Variants in MEGF11 observed in about 807,000 individuals in gnomAD.
The protein encoded by MEGF11 is multiple EGF like domains 11.
MEGF11 carries 126 observed loss-of-function variants against 146.6 expected under a neutral mutation model. The observed-to-expected ratio is 0.86, with a 90% CI of 0.74 to 1.00. The LOEUF (loss-of-function observed/expected upper bound fraction) is 1.00, where lower values mean the gene tolerates loss of function less well. MEGF11 is among the 50% of genes least tolerant of loss of function. The pLI, the probability that MEGF11 is intolerant of heterozygous loss-of-function variation, is 0.00. For missense variants in MEGF11, 1,509 were observed against 1,521.2 expected (o/e 0.99, Z 0.13); for synonymous variants, 532 against 583.4 (o/e 0.91, Z 1.27).
At chr15:66,072,202 A>C (rs147292942) in intron 5 of MEGF11, among the ~76,000 whole-genome samples, 2 of 152,316 alleles carry the variant, frequency 1.3e-5, no homozygotes, top group South Asian at 2.1e-4. Flanking sequence ...AGAGCCTGGC[A>C]ATTGTCCCCT....
intron 1 of MEGF11, among the ~76,000 whole-genome samples, chr15:66,246,840 C>T (rs1309769426): frequency 6.6e-6 from 1 of 151,928 alleles, no homozygotes; most frequent in African/African-American, 2.4e-5. Flanking sequence ...AATATCTAAT[C>T]AGGAGATGAA....
chr15:65,993,117 C>T (rs1030472066), intron 5 of MEGF11, among the ~76,000 whole-genome samples: 8 of 152,186 alleles, frequency 5.3e-5, no homozygotes, highest in Non-Finnish European at 1.0e-4. Context: ...AGGAGCACCC[C>T]GCACTGTCCT....
chr15:65,928,613 A>G, intron 12 of MEGF11, 86 bp from the exon 13 acceptor site: 1 of 924,620 alleles, frequency 1.1e-6, no homozygotes, highest in Non-Finnish European at 1.6e-6. Context: ...TTTAATTTTT[A>G]CTTTTGGAGG....
intron 1 of MEGF11, among the ~76,000 whole-genome samples, chr15:66,131,768 A>G (rs1165468925): frequency 6.6e-6 from 1 of 152,230 alleles, no homozygotes; most frequent in Admixed American, 6.5e-5. Context: ...GCATTTTAGC[A>G]TAGCTTAGAC....
rs375999540 is a variant in MEGF11, at chr15:66,044,650, G to T, written c.394+49752C>A. Among the ~76,000 whole-genome samples the T allele has an allele frequency of 8.7e-5, 13 of 150,264 alleles. No homozygotes were observed. In the East Asian group the frequency reaches 2.0e-3, roughly 23 times the overall value. On this transcript the variant is annotated intron_variant, in intron 5 of 25. Transcript: ENST00000395614. ...GAGTCCAGAAGTTTGAGACCAGCCT[G>T]GGCAAGGTAGCAAGACCTCGTATCA...
At chr15:66,236,916 T>C (rs564442388) in intron 1 of MEGF11, among the ~76,000 whole-genome samples, 74 of 152,236 alleles carry the variant, frequency 4.9e-4, no homozygotes, top group South Asian at 1.2e-3. Context: ...CCCCGCCATC[T>C]CAATCTTGAT....
chr15:65,905,865 G>A (rs2078610735), intron 24 of MEGF11: 1 of 433,204 alleles, frequency 2.3e-6, no homozygotes, highest in Non-Finnish European at 4.1e-6. Flanking sequence ...CATTTGCTAA[G>A]CAGGTGCAAC....
intron 8 of MEGF11, among the ~76,000 whole-genome samples, chr15:65,965,608 T>TTCTTTCTTTCTTTCTTTCTTTTCTTTC (rs1567180122): frequency 1.5e-5 from 1 of 68,866 alleles, no homozygotes; most frequent in Non-Finnish European, 3.6e-5. Flanking sequence ...TTCTTTTTTT[T>TTCTTTCTTTCTTTCTTTCTTTTCTTTC]TTTTCTTTTT....
chr15:66,013,273 C>A (rs947260210), intron 5 of MEGF11, among the ~76,000 whole-genome samples: 2 of 152,192 alleles, frequency 1.3e-5, no homozygotes, highest in African/African-American at 4.8e-5. Context: ...GGTGAGCCAG[C>A]CCTGTCTGCT....
chr15:65,961,443 A>T (rs1385959314), intron 9 of MEGF11, among the ~76,000 whole-genome samples: 3 of 152,248 alleles, frequency 2.0e-5, no homozygotes, highest in African/African-American at 7.2e-5. Flanking sequence ...GGCTAAATCA[A>T]ATCTTTCAAA....
At chr15:66,046,185 G>A (rs1313615764) in intron 5 of MEGF11, among the ~76,000 whole-genome samples, 1 of 152,144 alleles carries the variant, frequency 6.6e-6, no homozygotes, top group Non-Finnish European at 1.5e-5. Flanking sequence ...AGTTCACATG[G>A]CAACTAAGTA....
chr15:66,065,768 C>T (rs969403790), intron 5 of MEGF11, among the ~76,000 whole-genome samples: 2 of 152,142 alleles, frequency 1.3e-5, no homozygotes, highest in Non-Finnish European at 2.9e-5. Context: ...CTGTCTTTTC[C>T]ACTTGGCAAA....
chr15:65,964,284 G>A (rs1437207910), intron 9 of MEGF11, among the ~76,000 whole-genome samples: 1 of 152,188 alleles, frequency 6.6e-6, no homozygotes, highest in Non-Finnish European at 1.5e-5. Context: ...AGCCACAAAC[G>A]ACACAGAGTG....
intron 5 of MEGF11, among the ~76,000 whole-genome samples, chr15:66,022,500 C>T (rs888859748): frequency 2.0e-5 from 3 of 152,200 alleles, no homozygotes; most frequent in Admixed American, 6.5e-5. Context: ...CATGGTCATA[C>T]TGTGGCCCAG....
chr15:65,930,049 TAGG>T (rs1306137487), intron 11 of MEGF11, among the ~76,000 whole-genome samples, 166 bp from the exon 12 acceptor site: 1 of 152,158 alleles, frequency 6.6e-6, no homozygotes, highest in African/African-American at 2.4e-5. Context: ...ACAGAGCTGT[TAGG>T]AGAGCTGGGG....
chr15:66,046,625 G>A (rs2084215659), intron 5 of MEGF11, among the ~76,000 whole-genome samples: 1 of 152,168 alleles, frequency 6.6e-6, no homozygotes, highest in Non-Finnish European at 1.5e-5. Context: ...GGCCAAGGGG[G>A]CTTCCTTGTT....
At chr15:66,147,030 T>C (rs527872309) in intron 1 of MEGF11, among the ~76,000 whole-genome samples, 1 of 152,304 alleles carries the variant, frequency 6.6e-6, no homozygotes, top group Admixed American at 6.5e-5. Context: ...TCACTGGGAA[T>C]TGGGGATAAA....
At chr15:66,037,031 C>A (rs978077247) in intron 5 of MEGF11, among the ~76,000 whole-genome samples, 1 of 152,250 alleles carries the variant, frequency 6.6e-6, no homozygotes, top group Non-Finnish European at 1.5e-5. Context: ...CAATAACCTA[C>A]GCTGTCTCTT....
intron 17 of MEGF11, chr15:65,916,478 G>A: frequency 1.4e-6 from 1 of 726,688 alleles, no homozygotes; most frequent in Non-Finnish European, 2.2e-6. Context: ...TTCCAAGACA[G>A]AGGGGCCTTG....
Sources: gnomAD v4.1 joint callset for allele counts (sites outside exome capture counted in the v4.1 genomes callset) on GRCh38, gnomAD v4.1.1 for gene constraint, MANE v1.5 for transcripts, NCBI Gene and HGNC (gene_info 2026-07-23, HGNC 2026-07-21) for gene names.